The following ATIC variants were observed in gnomAD, a reference collection of about 807,000 sequenced individuals.
The protein encoded by ATIC is bifunctional purine biosynthesis protein ATIC.
ATIC carries 64 observed loss-of-function variants against 72.5 expected under a neutral mutation model. That is an observed-to-expected ratio of 0.88 (90% CI 0.72 to 1.09). The LOEUF (loss-of-function observed/expected upper bound fraction) is 1.09, where lower values mean the gene tolerates loss of function less well. ATIC is among the 50% of genes least tolerant of loss of function. The probability of loss-of-function intolerance (pLI) is 0.00; values close to 1 mark genes in which losing one functional copy is unlikely to be tolerated. For synonymous variants in ATIC, 281 were observed against 267.1 expected, an observed-to-expected ratio of 1.05 and a Z score of -0.51; for missense variants, 787 against 732.4, an observed-to-expected ratio of 1.07 and a Z score of -0.86.
intron 9 of ATIC, among the ~76,000 whole-genome samples, chr2:215,334,296 C>T (rs1366673529): frequency 2.0e-5 from 3 of 146,700 alleles, no homozygotes; most frequent in Non-Finnish European, 4.5e-5. Flanking sequence ...TGGGTTCAAG[C>T]GATTCTCCTG....
At chr2:215,341,515 T>G (rs1178632559) in intron 12 of ATIC, among the ~76,000 whole-genome samples, 2 of 152,192 alleles carry the variant, frequency 1.3e-5, no homozygotes, top group African/African-American at 4.8e-5. Context: ...TTTGGAAACT[T>G]AAGGATGAGA....
chr2:215,339,242 G>A (rs773776968), intron 12 of ATIC, among the ~76,000 whole-genome samples: 112 of 152,202 alleles, frequency 7.4e-4, no homozygotes, highest in Non-Finnish European at 1.2e-3. Context: ...TATAGATGCT[G>A]GGTGCAGTAG....
rs760847419 is a variant in ATIC, at chr2:215,312,169, C to T, written c.19+8C>T. On this transcript the variant is annotated splice_region_variant and intron_variant, in intron 1 of 15. Transcript: ENST00000236959. ...TGGCTCCCGGCCAGCTCGGTGAGGC[C>T]CTAGCGGAGCGGCGCGGTCTGCGTC... The T allele has an allele frequency of 5.3e-6, 8 of 1,507,320 alleles. No individual in the cohort carries two copies. The highest frequency in any genetic ancestry group is 1.4e-5 in the African/African-American group (1 of 69,232). The allele number at this position is 1,507,320 out of a possible 1,614,324, so 93.4% of individuals were successfully genotyped here.
downstream of ATIC, among the ~76,000 whole-genome samples, chr2:215,353,512 G>C (rs1303436246): frequency 2.0e-5 from 3 of 152,148 alleles, no homozygotes; most frequent in Non-Finnish European, 4.4e-5. Context: ...TGCAGTGTCT[G>C]TGTGATGAAG....
intron 2 of ATIC, among the ~76,000 whole-genome samples, chr2:215,315,796 CA>C: frequency 1.3e-5 from 2 of 152,010 alleles, no homozygotes; most frequent in African/African-American, 2.4e-5. Context: ...GCTAAAAATA[CA>C]AAAAAGAATC....
the ATIC span, chr2:215,361,758 A>G: frequency 1.0e-6 from 1 of 1,002,348 alleles, no homozygotes; most frequent in Non-Finnish European, 1.5e-6. Context: ...AGTTTCAAGA[A>G]CCTAGCAGCA....
chr2:215,356,458 T>G, the ATIC span, among the ~76,000 whole-genome samples: 1 of 152,222 alleles, frequency 6.6e-6, no homozygotes, highest in Non-Finnish European at 1.5e-5. Context: ...AAGATAAAAT[T>G]TATGTAACGT....
At position 215,312,480 on chromosome 2, in the gene ATIC, A is replaced by C. The variant is rs752138334; in HGVS notation, c.20-18A>C. ...GCAATGTGCTGCGAATCATGAGAAA[A>C]AATGTCTTCTCTTTCAGCCTTATTT... On this transcript the variant is annotated intron_variant, in intron 1 of 15. Coordinates refer to ENST00000236959, the MANE Select transcript of ATIC (RefSeq NM_004044.7). The C allele has an allele frequency of 4.3e-6, 7 of 1,614,194 alleles. 1 individual carries two copies. In the Admixed American group the frequency reaches 8.3e-5, roughly 19 times the overall value.
Position 215,332,379 on chromosome 2 carries a change from T to C in ATIC, c.689-3T>C. 1 of 1,614,138 alleles carries C rather than the reference T, an allele frequency of 6.2e-7. No individual in the cohort carries two copies. On this transcript the variant is annotated splice_polypyrimidine_tract_variant and splice_region_variant and intron_variant, in intron 7 of 15. Coordinates refer to ENST00000236959, the MANE Select transcript of ATIC (RefSeq NM_004044.7). ...TAATGTGCATGTATATTTTTACATT[T>C]AGTTCTAAATGGAGCCCCTGGATTT...
At chr2:215,340,628 T>C (rs543140418) in intron 12 of ATIC, among the ~76,000 whole-genome samples, 1 of 152,298 alleles carries the variant, frequency 6.6e-6, no homozygotes, top group South Asian at 2.1e-4. Flanking sequence ...GGAGGTATCT[T>C]CATTCTGTCA....
intron 13 of ATIC, among the ~76,000 whole-genome samples, 165 bp from the exon 14 acceptor site, chr2:215,346,590 TACTC>T (rs960017380): frequency 5.3e-5 from 8 of 152,176 alleles, no homozygotes; most frequent in Non-Finnish European, 1.0e-4. Flanking sequence ...ACAAACCTCT[TACTC>T]CACCCCTTTT....
intron 7 of ATIC, among the ~76,000 whole-genome samples, chr2:215,328,351 T>G (rs2052852336): frequency 6.6e-6 from 1 of 152,090 alleles, no homozygotes; most frequent in Non-Finnish European, 1.5e-5. Context: ...TTAAAGCCAT[T>G]CCTTGGCTTT....
intron 4 of ATIC, among the ~76,000 whole-genome samples, chr2:215,322,294 C>A (rs1260045859): frequency 1.3e-5 from 2 of 151,188 alleles, no homozygotes; most frequent in Non-Finnish European, 1.5e-5. Flanking sequence ...ATTGCCTAAT[C>A]CTCAGTGATG....
At chr2:215,348,264 T>C (rs993287770) in intron 14 of ATIC, among the ~76,000 whole-genome samples, 2 of 152,218 alleles carry the variant, frequency 1.3e-5, no homozygotes, top group Non-Finnish European at 2.9e-5. Context: ...TTTAGAATAA[T>C]TTTTGTATAA....
At chr2:215,331,981 G>A (rs2052899712) in intron 7 of ATIC, among the ~76,000 whole-genome samples, 1 of 152,048 alleles carries the variant, frequency 6.6e-6, no homozygotes, top group Admixed American at 6.6e-5. Flanking sequence ...CTTTAATTTT[G>A]TACTGTCTCT....
At chr2:215,364,953 A>G in the ATIC span, 1 of 1,580,934 alleles carries the variant, frequency 6.3e-7, no homozygotes, top group East Asian at 2.3e-5. Flanking sequence ...CCTACGTGGT[A>G]TGTCTTCCCA....
downstream of ATIC, chr2:215,349,775 T>C (rs1267957317): frequency 1.5e-5 from 23 of 1,549,260 alleles, no homozygotes; most frequent in Non-Finnish European, 1.8e-5. Flanking sequence ...TCCATAGTTT[T>C]TGGTAGTTGT....
intron 14 of ATIC, chr2:215,348,649 A>G (rs1364867715): frequency 2.3e-6 from 1 of 431,252 alleles, no homozygotes; most frequent in Admixed American, 2.7e-5. Context: ...TTCCATGTAA[A>G]TAATGGTCAT....
Position 215,338,389 on chromosome 2 carries a change from G to A in ATIC, c.1099-390G>A, listed in dbSNP as rs561797446. On this transcript the variant is annotated intron_variant, in intron 11 of 15. Transcript: ENST00000236959. ...TTTTGTGCCATTGCTTATTTAATTA[G>A]CACATCTGTTTTATCTGCTGACCTT... 1.6e-4 allele frequency among the ~76,000 whole-genome samples: 24 copies of A among 152,276 alleles called. No individual in the cohort carries two copies. The South Asian group carries it at 4.3e-3, about 28-fold the overall frequency.
Sources: allele counts gnomAD v4.1 joint callset (sites outside exome capture counted in the v4.1 genomes callset), GRCh38; gene constraint gnomAD v4.1.1; transcripts MANE v1.5; gene names NCBI Gene and HGNC (gene_info 2026-07-23, HGNC 2026-07-21).